CYP26B1: variants seen among roughly 807,000 people sequenced by gnomAD.
The protein encoded by CYP26B1 is cytochrome P450 family 26 subfamily B member 1.
Under a neutral mutation model 39.1 loss-of-function variants are expected in CYP26B1, and 8 were observed. That is an observed-to-expected ratio of 0.20 (90% CI 0.12 to 0.37). The LOEUF is 0.37. Ranked by LOEUF, CYP26B1 falls within the 10% of genes least tolerant of loss-of-function variation. CYP26B1 has a pLI of 1.00. For missense variants in CYP26B1, 615 were observed against 707.0 expected, an observed-to-expected ratio of 0.87 and a Z score of 1.48; for synonymous variants, 321 against 314.3, an observed-to-expected ratio of 1.02 and a Z score of -0.23.
chr2:72,138,070 C>G (rs1242492821), intron 2 of CYP26B1, among the ~76,000 whole-genome samples: 1 of 152,182 alleles, frequency 6.6e-6, no homozygotes, highest in African/African-American at 2.4e-5. Flanking sequence ...CAGAGCCCAC[C>G]GTGAGATGGA....
chr2:72,139,039 C>T lies in CYP26B1; in HGVS notation c.430-3620G>A, dbSNP rs961192894. Reference sequence around the variant, plus strand: ...GAACCCCATGGCCCTGCGTGCTGCGCTTGCTCAGCCAGATAGCCTCCCCCT... The same window carrying T: ...GAACCCCATGGCCCTGCGTGCTGCGTTTGCTCAGCCAGATAGCCTCCCCCT... On this transcript the variant is annotated intron_variant, in intron 2 of 5. Coordinates refer to ENST00000001146, the MANE Select transcript of CYP26B1 (RefSeq NM_019885.4). Among the ~76,000 whole-genome samples the T allele has an allele frequency of 5.9e-4, 90 of 152,232 alleles. 1 individual carries two copies. The highest frequency in any genetic ancestry group is 2.8e-4 in the Non-Finnish European group (19 of 68,044).
Position 72,132,131 on chromosome 2 carries a change from GC to G in CYP26B1, c.*95del, listed in dbSNP as rs1446101335. 7.1e-7 allele frequency: 1 copy of G among 1,399,532 alleles called. No homozygotes were observed. 86.7% of individuals were successfully genotyped at this position (1,399,532 alleles called of 1,614,324 possible). On this transcript the variant is annotated 3_prime_UTR_variant, in exon 6 of 6. Coordinates refer to ENST00000001146, the MANE Select transcript of CYP26B1 (RefSeq NM_019885.4). ...GGGAGGGCAAGTATGGGGGCCACTC[GC>G]CCTCCCCGTTCCGGCCCCCTCCCAC...
At chr2:72,144,419 G>A (rs2104097333) in intron 1 of CYP26B1, 2 of 1,368,874 alleles carry the variant, frequency 1.5e-6, no homozygotes, top group African/African-American at 1.5e-5. Context: ...ATAATGCAAG[G>A]AGGCGGAGGC....
intron 1 of CYP26B1, among the ~76,000 whole-genome samples, chr2:72,144,829 T>C (rs1451083407): frequency 6.6e-6 from 1 of 152,116 alleles, no homozygotes; most frequent in Non-Finnish European, 1.5e-5. Context: ...CGGACTTTGG[T>C]TGCCGCCCTG....
At position 72,132,601 on chromosome 2, in the gene CYP26B1, C is replaced by T; in HGVS notation, c.1165G>A (p.Gly389Ser). ...CGGATGCTATACATGACACTCCAGC[C>T]TTTGGGGATCTGGAAACCCTGGAGC... ...FELDGFQIPK[G>S]WSVMYSIRDT... The change falls in exon 6 of 6, where the codon GGC becomes AGC. Residue 389 changes from glycine (G) to serine (S), a missense_variant. Physicochemically the swap from Gly to Ser is moderately conservative, Grantham distance 56. Coordinates refer to ENST00000001146, the MANE Select transcript of CYP26B1 (RefSeq NM_019885.4). The T allele has an allele frequency of 6.2e-7, 1 of 1,608,622 alleles. No individual in the cohort carries two copies. The highest frequency in any genetic ancestry group is 8.5e-7 in the Non-Finnish European group (1 of 1,177,892).
chr2:72,132,020 G>A lies in CYP26B1; in HGVS notation c.*207C>T. On this transcript the variant is annotated 3_prime_UTR_variant, in exon 6 of 6. Transcript: ENST00000001146. ...GCTGATGGTAAATGGGGAGTGGCTG[G>A]AGGGAAGCTGGAGCCAGAAGGGGAG... The A allele has an allele frequency of 6.5e-6, 4 of 616,910 alleles. No homozygotes were observed. The highest frequency in any genetic ancestry group is 1.1e-5 in the Non-Finnish European group (4 of 352,974). 38.2% of individuals were successfully genotyped at this position (616,910 alleles called of 1,614,324 possible). A position where few individuals can be genotyped will look rare whatever the true frequency, so the allele number is the denominator to read the frequency against.
intron 2 of CYP26B1, among the ~76,000 whole-genome samples, chr2:72,143,465 T>C (rs1228787233): frequency 8.7e-6 from 1 of 115,494 alleles, no homozygotes; most frequent in African/African-American, 3.3e-5. Flanking sequence ...TGCGCTCCGC[T>C]GCCCAGGCTC....
intron 4 of CYP26B1, 71 bp downstream of exon 4, chr2:72,134,690 T>C: frequency 1.9e-6 from 3 of 1,557,948 alleles, no homozygotes; most frequent in Non-Finnish European, 2.6e-6. Flanking sequence ...TGGGCACATT[T>C]CCACCCAGGG....
intron 4 of CYP26B1, among the ~76,000 whole-genome samples, chr2:72,134,213 G>A (rs1165779749): frequency 6.6e-6 from 1 of 152,106 alleles, no homozygotes; most frequent in Non-Finnish European, 1.5e-5. Flanking sequence ...CAGAGCCCAG[G>A]TGGGGATGGG....
At chr2:72,144,471 C>A (rs1227821075) in intron 1 of CYP26B1, 5 of 1,287,954 alleles carry the variant, frequency 3.9e-6, no homozygotes, top group African/African-American at 3.0e-5. Flanking sequence ...TAATGACTTT[C>A]GAGAGGAAAG....
At chr2:72,145,059 C>CTAGT (rs1024410018) in intron 1 of CYP26B1, among the ~76,000 whole-genome samples, 3 of 152,132 alleles carry the variant, frequency 2.0e-5, no homozygotes, top group African/African-American at 7.2e-5. Flanking sequence ...GACGTCGGCA[C>CTAGT]TAGTTACCCC....
Position 72,147,573 on chromosome 2 carries a change from C to T in CYP26B1, c.204+58G>A. The T allele has an allele frequency of 6.6e-7, 1 of 1,523,634 alleles. No individual in the cohort carries two copies. The highest frequency in any genetic ancestry group is 1.2e-5 in the South Asian group (1 of 81,862). The allele number at this position is 1,523,634 out of a possible 1,614,324, so 94.4% of individuals were successfully genotyped here. A position where few individuals can be genotyped will look rare whatever the true frequency, so the allele number is the denominator to read the frequency against. On this transcript the variant is annotated intron_variant, in intron 1 of 5. Transcript: ENST00000001146. The surrounding 1 kb of genome is among the most constrained non-coding windows in gnomAD (Gnocchi z 6.1). ...CCCCCTGGCCGGCCCGCCGCTCCGTCTGCCCCGCGCTCGCAGCTAGCGGAC... is the reference window on the plus strand; with the variant it reads ...CCCCCTGGCCGGCCCGCCGCTCCGTTTGCCCCGCGCTCGCAGCTAGCGGAC...
Position 72,144,388 on chromosome 2 carries a change from G to A in CYP26B1, c.205-175C>T, listed in dbSNP as rs769316520. 9.8e-6 allele frequency: 14 copies of A among 1,432,448 alleles called. No homozygotes were observed. The Admixed American group carries it at 2.8e-4, about 29-fold the overall frequency. The allele number at this position is 1,432,448 out of a possible 1,614,324, so 88.7% of individuals were successfully genotyped here. ...TCATAGCGTGCACAAGAACTGCGAA[G>A]TAGGGCCTAGAGGATAATAAATAAT... On this transcript the variant is annotated intron_variant, in intron 1 of 5. Coordinates refer to ENST00000001146, the MANE Select transcript of CYP26B1 (RefSeq NM_019885.4).
chr2:72,145,754 G>A (rs913079694), intron 1 of CYP26B1, among the ~76,000 whole-genome samples: 3 of 150,738 alleles, frequency 2.0e-5, no homozygotes, highest in African/African-American at 7.3e-5. Flanking sequence ...TGCGTTTTTT[G>A]TGGCATTAAT....
At chr2:72,144,790 A>G (rs1002329654) in intron 1 of CYP26B1, among the ~76,000 whole-genome samples, 2 of 152,028 alleles carry the variant, frequency 1.3e-5, no homozygotes, top group African/African-American at 4.8e-5. Flanking sequence ...CGATTTTCCT[A>G]ATGCATTTTG....
intron 1 of CYP26B1, among the ~76,000 whole-genome samples, chr2:72,145,515 AAAATC>A (rs1677098260): frequency 6.6e-6 from 1 of 152,104 alleles, no homozygotes; most frequent in Non-Finnish European, 1.5e-5. Flanking sequence ...CCCTTTAAGA[AAAATC>A]TAGGCGGAGG....
chr2:72,133,478 G>A (rs932135707), intron 4 of CYP26B1, among the ~76,000 whole-genome samples, 171 bp from the exon 5 acceptor site: 6 of 152,222 alleles, frequency 3.9e-5, no homozygotes, highest in East Asian at 1.9e-4. Context: ...TTAGTGTCAC[G>A]ATGGACACGG....
At chr2:72,146,617 C>T (rs1677130602) in intron 1 of CYP26B1, among the ~76,000 whole-genome samples, 1 of 152,260 alleles carries the variant, frequency 6.6e-6, no homozygotes, top group South Asian at 2.1e-4. Context: ...TCGCAGCGCT[C>T]ACCTTTCGCT....
chr2:72,135,006 C>G (rs562082286), intron 3 of CYP26B1, 90 bp from the exon 4 acceptor site: 1 of 1,601,014 alleles, frequency 6.2e-7, no homozygotes, highest in East Asian at 2.2e-5. Flanking sequence ...CTCCTCCTAC[C>G]CCACGCTGAC....
Sources: allele counts gnomAD v4.1 joint callset (sites outside exome capture counted in the v4.1 genomes callset), GRCh38; gene constraint gnomAD v4.1.1; non-coding constraint Gnocchi (gnomAD v3.1); transcripts MANE v1.5; gene names NCBI Gene and HGNC (gene_info 2026-07-23, HGNC 2026-07-21).